Variants in SV2C observed in about 807,000 individuals in gnomAD.
The protein encoded by SV2C is solute carrier family 22 member B3.
In SV2C, 49 loss-of-function variants were observed where a neutral mutation model predicts 79.7. The ratio of observed to expected loss-of-function variants is 0.61; its 90% CI spans 0.49 to 0.78. SV2C has a LOEUF of 0.78. Ranked by LOEUF, SV2C falls within the 30% of genes least tolerant of loss-of-function variation. SV2C has a pLI of 0.00. For synonymous variants in SV2C, 334 were observed against 333.2 expected (o/e 1.00, Z -0.03); for missense variants, 833 against 912.9 (o/e 0.91, Z 1.13).
intron 4 of SV2C, among the ~76,000 whole-genome samples, chr5:76,268,253 G>T (rs1746728105): frequency 6.6e-6 from 1 of 152,160 alleles, no homozygotes; most frequent in Non-Finnish European, 1.5e-5. Flanking sequence ...AAGTGCAGCT[G>T]CAGTGAAGCA....
intron 4 of SV2C, among the ~76,000 whole-genome samples, chr5:76,243,747 C>A (rs192225606): frequency 1.3e-4 from 20 of 152,262 alleles, no homozygotes; most frequent in African/African-American, 4.3e-4. Context: ...CTATTCTTGA[C>A]CCCCTGTGTC....
the SV2C span, among the ~76,000 whole-genome samples, chr5:75,926,618 A>G: frequency 6.6e-6 from 1 of 152,192 alleles, no homozygotes; most frequent in Non-Finnish European, 1.5e-5. Context: ...CACTATAATA[A>G]TGATGGAAAC....
chr5:75,914,484 A>G, the SV2C span, among the ~76,000 whole-genome samples: 1 of 152,154 alleles, frequency 6.6e-6, no homozygotes. Flanking sequence ...GGTTGTGTCC[A>G]GAAGCATGGC....
intron 4 of SV2C, among the ~76,000 whole-genome samples, chr5:76,239,381 G>C (rs961159074): frequency 2.6e-5 from 4 of 152,166 alleles, no homozygotes; most frequent in Non-Finnish European, 4.4e-5. Flanking sequence ...CTCTATTGCT[G>C]CATAACAAAT....
At chr5:76,080,233 G>A (rs113090276), upstream of SV2C, among the ~76,000 whole-genome samples, 1,456 of 152,220 alleles carry the variant, frequency 9.6e-3, 19 homozygotes, top group African/African-American at 0.033. Flanking sequence ...GTAATACTTC[G>A]ATTAAAATTA....
chr5:76,282,609 C>G (rs1166422479), intron 4 of SV2C, among the ~76,000 whole-genome samples: 1 of 152,234 alleles, frequency 6.6e-6, no homozygotes, highest in Non-Finnish European at 1.5e-5. Flanking sequence ...ATGAATGCCT[C>G]AAGTGGCTCA....
chr5:76,131,514 C>CAAA (rs35999597), intron 1 of SV2C, 136 bp from the exon 2 acceptor site: 18 of 157,194 alleles, frequency 1.1e-4, no homozygotes, highest in East Asian at 3.1e-4. Flanking sequence ...ACAGTGAGAT[C>CAAA]AAAAAAAAAA....
chr5:76,125,620 C>T (rs1265467699), intron 1 of SV2C, among the ~76,000 whole-genome samples: 1 of 152,098 alleles, frequency 6.6e-6, no homozygotes, highest in African/African-American at 2.4e-5. Context: ...AGTGTGAGAG[C>T]ATATAAAGTC....
At chr5:76,134,904 A>G (rs956012485) in intron 2 of SV2C, among the ~76,000 whole-genome samples, 1 of 151,974 alleles carries the variant, frequency 6.6e-6, no homozygotes, top group Non-Finnish European at 1.5e-5. Context: ...ATAGGACAAA[A>G]AAGAGAGGCA....
the SV2C span, among the ~76,000 whole-genome samples, chr5:76,069,784 C>A: frequency 6.7e-6 from 1 of 148,488 alleles, no homozygotes; most frequent in East Asian, 1.9e-4. Context: ...AACCTCTCTC[C>A]TCTCTCTCTT....
At chr5:76,018,916 GAT>G in the SV2C span, among the ~76,000 whole-genome samples, 1 of 152,156 alleles carries the variant, frequency 6.6e-6, no homozygotes, top group African/African-American at 2.4e-5. Flanking sequence ...GTGCTGGGTC[GAT>G]ATAAAACGTA....
chr5:76,044,884 T>C, the SV2C span, among the ~76,000 whole-genome samples: 3 of 152,230 alleles, frequency 2.0e-5, no homozygotes, highest in South Asian at 4.1e-4. Flanking sequence ...ACTCTGATGA[T>C]AGTTTCTTTT....
chr5:76,259,307 G>A (rs1048557172), intron 4 of SV2C, among the ~76,000 whole-genome samples: 13 of 152,272 alleles, frequency 8.5e-5, no homozygotes, highest in African/African-American at 1.4e-4. Flanking sequence ...CACCAGTGAC[G>A]TATGAGAATG....
At chr5:75,929,516 G>T in the SV2C span, among the ~76,000 whole-genome samples, 1 of 151,746 alleles carries the variant, frequency 6.6e-6, no homozygotes, top group Non-Finnish European at 1.5e-5. Context: ...CATAAACAGT[G>T]GTACATTATA....
intron 1 of SV2C, among the ~76,000 whole-genome samples, chr5:76,111,949 T>C (rs73764467): frequency 1.5e-3 from 231 of 152,338 alleles, no homozygotes; most frequent in African/African-American, 5.4e-3. Flanking sequence ...ATGCCACCCA[T>C]TTCCTTTCTT....
At chr5:75,859,388 A>G in the SV2C span, among the ~76,000 whole-genome samples, 2 of 152,246 alleles carry the variant, frequency 1.3e-5, no homozygotes, top group Non-Finnish European at 2.9e-5. Flanking sequence ...CATTCTCTTC[A>G]GAATAATCTG....
chr5:76,329,715 A>G lies in SV2C; in HGVS notation c.*4168A>G, dbSNP rs536426914. 3 of 151,996 alleles carry G rather than the reference A, an allele frequency of 2.0e-5. No homozygotes were observed. Among genetic ancestry groups the G allele is most frequent in the African/African-American group, 4.8e-5 (2 of 41,448 alleles). The allele number at this position is 151,996 out of a possible 1,614,324, so 9.4% of individuals were successfully genotyped here. On this transcript the variant is annotated 3_prime_UTR_variant, in exon 13 of 13. Transcript: ENST00000502798. ...AATAGATAGAATATGATATTCTCCA[A>G]TTTTTTTTCTGTTTGATGTCAAAAT...
At chr5:76,000,008 T>G in the SV2C span, among the ~76,000 whole-genome samples, 1 of 152,166 alleles carries the variant, frequency 6.6e-6, no homozygotes, top group East Asian at 1.9e-4. Context: ...AGGATTAAGC[T>G]CCAACATAAA....
the SV2C span, among the ~76,000 whole-genome samples, chr5:76,046,865 C>G: frequency 6.6e-6 from 1 of 152,182 alleles, no homozygotes; most frequent in Non-Finnish European, 1.5e-5. Context: ...CATTTTCTGT[C>G]ACAGAGCTCT....
Sources: gnomAD v4.1 joint callset for allele counts (sites outside exome capture counted in the v4.1 genomes callset) on GRCh38, gnomAD v4.1.1 for gene constraint, MANE v1.5 for transcripts, NCBI Gene and HGNC (gene_info 2026-07-23, HGNC 2026-07-21) for gene names.